TMEM131L: variants seen among roughly 807,000 people sequenced by gnomAD.
TMEM131L encodes the protein transmembrane protein 131-like.
Under a neutral mutation model 192.2 loss-of-function variants are expected in TMEM131L, and 54 were observed. The observed-to-expected ratio is 0.28, with a 90% CI of 0.23 to 0.35. The LOEUF is 0.35. Among genes scored for constraint, TMEM131L ranks in the 10% least tolerant of loss-of-function variants. The pLI is 1.00. For synonymous variants in TMEM131L, 701 were observed against 704.9 expected (o/e 0.99, Z 0.09); for missense variants, 1,888 against 1,972.9 (o/e 0.96, Z 0.82).
At position 153,620,885 on chromosome 4, in the gene TMEM131L, G is replaced by A. The variant is rs775833929; in HGVS notation, c.3692+5G>A. The stretch of plus-strand genomic sequence containing the variant: ...GGGTGTTGCTCCAGTCTCAAGGTGC[G>A]TAATTCTTACTATCTCTAATATTTT... On this transcript the variant is annotated splice_donor_5th_base_variant and intron_variant, in intron 27 of 34. Transcript: ENST00000409959. The A allele has an allele frequency of 5.7e-6, 9 of 1,574,250 alleles. No individual in the cohort carries two copies. The Admixed American group carries it at 6.1e-5, about 11-fold the overall frequency.
intron 3 of TMEM131L, among the ~76,000 whole-genome samples, chr4:153,484,511 C>T (rs1173526065): frequency 6.6e-6 from 1 of 151,052 alleles, no homozygotes; most frequent in Non-Finnish European, 1.5e-5. Flanking sequence ...CTCTGCCACC[C>T]AGGCTGGAGT....
At chr4:153,528,487 A>G (rs1259071379) in intron 3 of TMEM131L, among the ~76,000 whole-genome samples, 1 of 152,254 alleles carries the variant, frequency 6.6e-6, no homozygotes, top group South Asian at 2.1e-4. Context: ...TTTAAAAACA[A>G]CAAAACAAAT....
chr4:153,623,716 A>G (rs1209820106), intron 29 of TMEM131L, among the ~76,000 whole-genome samples: 1 of 152,150 alleles, frequency 6.6e-6, no homozygotes, highest in Non-Finnish European at 1.5e-5. Context: ...GTAATACTCC[A>G]TTGTATGTGC....
rs1350388205 is a variant in TMEM131L at position 153,636,456 on chromosome 4, A to C, written c.4713A>C (p.Glu1571Asp). The C allele has an allele frequency of 1.2e-6, 2 of 1,614,214 alleles. No individual in the cohort carries two copies. Among genetic ancestry groups the C allele is most frequent in the Non-Finnish European group, 1.7e-6 (2 of 1,180,042 alleles). The part of the protein sequence containing the change: ...HMENQAVVCK[E>D]YYPGFNPFRA... ...AAAACCAAGCGGTCGTGTGCAAGGA[A>C]TACTACCCGGGGTTCAACCCGTTTC... Residue 1571 changes from glutamate (E) to aspartate (D), a missense_variant, in exon 35 of 35, where the codon GAA becomes GAC. Glu to Asp is a conservative substitution (Grantham distance 45, BLOSUM62 2). Coordinates refer to ENST00000409959, the MANE Select transcript of TMEM131L (RefSeq NM_001131007.2).
At position 153,555,660 on chromosome 4, in the gene TMEM131L, T is replaced by C. The variant is rs1198343284; in HGVS notation, c.309-127T>C. ...CCAACACGATTGGATAATTTAACTT[T>C]GTGATGAACAGCAACAGCTTTCTGG... On this transcript the variant is annotated intron_variant, in intron 4 of 34. Transcript: ENST00000409959. This position sits in a 1 kb window ranked among gnomAD's most constrained non-coding sequence, Gnocchi z 4.1. The C allele has an allele frequency of 1.4e-6, 1 of 720,274 alleles. No individual in the cohort carries two copies. The highest frequency in any genetic ancestry group is 3.5e-5 in the Admixed American group (1 of 28,754). The allele number at this position is 720,274 out of a possible 1,614,324, so 44.6% of individuals were successfully genotyped here.
intron 3 of TMEM131L, among the ~76,000 whole-genome samples, chr4:153,547,813 T>C (rs867345093): frequency 5.9e-5 from 9 of 152,332 alleles, no homozygotes; most frequent in South Asian, 4.1e-4. Context: ...GATTGGAATT[T>C]GGGCTCTGCC....
At chr4:153,540,459 ATACT>A (rs1736692728) in intron 3 of TMEM131L, among the ~76,000 whole-genome samples, 2 of 152,078 alleles carry the variant, frequency 1.3e-5, no homozygotes, top group South Asian at 4.2e-4. Context: ...CCTCTTGTGG[ATACT>A]TAAAGTACTG....
At chr4:153,557,548 T>G (rs1388757318) in intron 6 of TMEM131L, among the ~76,000 whole-genome samples, 1 of 152,140 alleles carries the variant, frequency 6.6e-6, no homozygotes, top group East Asian at 1.9e-4. Context: ...CATATCAAGG[T>G]ACCAGGAAGG....
At chr4:153,490,092 T>C (rs1243947198) in intron 3 of TMEM131L, among the ~76,000 whole-genome samples, 1 of 152,196 alleles carries the variant, frequency 6.6e-6, no homozygotes, top group East Asian at 1.9e-4. Context: ...ATGAGTCTCT[T>C]CCTGCGTCCG....
chr4:153,538,753 A>T (rs1252424916), intron 3 of TMEM131L, among the ~76,000 whole-genome samples: 1 of 152,208 alleles, frequency 6.6e-6, no homozygotes, highest in East Asian at 1.9e-4. Context: ...CTTACATCTT[A>T]AGAGAGTGTT....
chr4:153,552,423 A>G (rs1737695630), intron 4 of TMEM131L, among the ~76,000 whole-genome samples: 1 of 152,186 alleles, frequency 6.6e-6, no homozygotes, highest in Admixed American at 6.5e-5. Flanking sequence ...GTATGTTTAC[A>G]GTTGTCCCTC....
intron 3 of TMEM131L, among the ~76,000 whole-genome samples, chr4:153,544,703 G>C (rs1209323820): frequency 6.6e-6 from 1 of 152,162 alleles, no homozygotes; most frequent in Non-Finnish European, 1.5e-5. Flanking sequence ...GGCCCACTCA[G>C]ATAGCCCCAT....
intron 31 of TMEM131L, 105 bp from the exon 32 acceptor site, chr4:153,632,613 G>A: frequency 4.0e-6 from 5 of 1,263,438 alleles, no homozygotes; most frequent in Non-Finnish European, 5.6e-6. Flanking sequence ...CAGCATGTGT[G>A]GGTGACATTA....
rs1456902561 is a variant in TMEM131L, at chr4:153,556,951, G to A, written c.433-15G>A. 4 of 1,295,698 alleles carry A rather than the reference G, an allele frequency of 3.1e-6. No homozygotes were observed. The Admixed American group carries it at 7.2e-5, about 23-fold the overall frequency. 80.3% of individuals were successfully genotyped at this position (1,295,698 alleles called of 1,614,324 possible). ...GAGGCCATTCCAAGTGGCTGACTGG[G>A]GACCTTTCTTTCAGGTAATTCCAGC... On this transcript the variant is annotated splice_polypyrimidine_tract_variant and intron_variant, in intron 5 of 34. Coordinates refer to ENST00000409959, the MANE Select transcript of TMEM131L (RefSeq NM_001131007.2).
chr4:153,509,775 C>T (rs1734229329), intron 3 of TMEM131L, among the ~76,000 whole-genome samples: 1 of 152,190 alleles, frequency 6.6e-6, no homozygotes. Flanking sequence ...ATTCTTAACC[C>T]TGACCCACAC....
chr4:153,517,732 A>G (rs1210420787), intron 3 of TMEM131L, among the ~76,000 whole-genome samples: 3 of 152,186 alleles, frequency 2.0e-5, no homozygotes, highest in East Asian at 1.9e-4. Flanking sequence ...GTTATGATTA[A>G]TCTTGTGTGC....
At chr4:153,495,739 T>G (rs1296255137) in intron 3 of TMEM131L, among the ~76,000 whole-genome samples, 1 of 152,176 alleles carries the variant, frequency 6.6e-6, no homozygotes, top group African/African-American at 2.4e-5. Flanking sequence ...GTAAAGATCT[T>G]GAGGCCTACA....
At chr4:153,470,340 G>T (rs11936132) in intron 2 of TMEM131L, among the ~76,000 whole-genome samples, 14,720 of 152,170 alleles carry the variant, frequency 0.097, 2,296 homozygotes, top group African/African-American at 0.33. Context: ...GTAGACTTGG[G>T]CATTGGAGAG....
rs1732068130 is a variant in TMEM131L, at chr4:153,604,359, A to T, written c.3347A>T (p.Glu1116Val). 6.2e-7 allele frequency: 1 copy of T among 1,613,874 alleles called. No homozygotes were observed. Among genetic ancestry groups the T allele is most frequent in the South Asian group, 1.1e-5 (1 of 91,050 alleles). ...CTGAAGACCTCCAAGAAACTACCTGAAAACCATTTACCAAGAAACTCACCT... is the reference window on the plus strand; with the variant it reads ...CTGAAGACCTCCAAGAAACTACCTGTAAACCATTTACCAAGAAACTCACCT... ...CPLKTSKKLP[E>V]NHLPRNSPQY... The change falls in exon 25 of 35, where the codon GAA becomes GTA. Residue 1116 changes from glutamate (E) to valine (V), a missense_variant. By Grantham distance (121) the Glu-to-Val change is moderately radical (BLOSUM62 -2). Coordinates refer to ENST00000409959, the MANE Select transcript of TMEM131L (RefSeq NM_001131007.2).
Sources: gnomAD v4.1 joint callset for allele counts (sites outside exome capture counted in the v4.1 genomes callset) on GRCh38, gnomAD v4.1.1 for gene constraint, Gnocchi (gnomAD v3.1) non-coding constraint, MANE v1.5 for transcripts, NCBI Gene and HGNC (gene_info 2026-07-23, HGNC 2026-07-21) for gene names.